The following ANGPTL2 variants were observed in gnomAD, a reference collection of about 807,000 sequenced individuals.
The protein encoded by ANGPTL2 is angiopoietin like 2.
ANGPTL2 carries 25 observed loss-of-function variants against 52.8 expected under a neutral mutation model. The ratio of observed to expected loss-of-function variants is 0.47; its 90% CI spans 0.35 to 0.66. The LOEUF (loss-of-function observed/expected upper bound fraction) is 0.66, where lower values mean the gene tolerates loss of function less well. Ranked by LOEUF, ANGPTL2 falls within the 30% of genes least tolerant of loss-of-function variation. The pLI is 0.01. For synonymous variants in ANGPTL2, 276 were observed against 277.4 expected (o/e 1.00, Z 0.05); for missense variants, 546 against 656.9 (o/e 0.83, Z 1.84).
At chr9:127,113,214 C>G (rs2055030555) in intron 1 of ANGPTL2, among the ~76,000 whole-genome samples, 1 of 152,160 alleles carries the variant, frequency 6.6e-6, no homozygotes, top group Non-Finnish European at 1.5e-5. Context: ...GACATTGCAA[C>G]CCAAACAGGC....
chr9:127,119,713 G>A (rs2055843982), intron 1 of ANGPTL2, among the ~76,000 whole-genome samples: 1 of 152,230 alleles, frequency 6.6e-6, no homozygotes, highest in African/African-American at 2.4e-5. Flanking sequence ...CTGCCCGTGA[G>A]CTTCAGCAAT....
intron 1 of ANGPTL2, among the ~76,000 whole-genome samples, chr9:127,114,435 A>G (rs1053533717): frequency 1.3e-5 from 2 of 152,236 alleles, no homozygotes; most frequent in African/African-American, 2.4e-5. Flanking sequence ...AAGAGAAACC[A>G]AAGTGCCAAA....
chr9:127,094,148 C>G (rs2136512339), intron 2 of ANGPTL2, among the ~76,000 whole-genome samples: 1 of 152,250 alleles, frequency 6.6e-6, no homozygotes, highest in African/African-American at 2.4e-5. Flanking sequence ...CTCACTTTCT[C>G]CTCTCACCCG....
At position 127,091,562 on chromosome 9, in the gene ANGPTL2, C is replaced by T; in HGVS notation, c.1282+108G>A. 1.4e-6 allele frequency: 2 copies of T among 1,458,950 alleles called. No homozygotes were observed. Among genetic ancestry groups the T allele is most frequent in the East Asian group, 4.6e-5 (2 of 43,840 alleles). The allele number at this position is 1,458,950 out of a possible 1,614,324, so 90.4% of individuals were successfully genotyped here. Reference sequence around the variant, plus strand: ...AGGGTCAGGCAGCTTGGCCCAGCTGCTTCTCACCCTGGGATCTTCCCGTTT... The same window carrying T: ...AGGGTCAGGCAGCTTGGCCCAGCTGTTTCTCACCCTGGGATCTTCCCGTTT... On this transcript the variant is annotated intron_variant, in intron 4 of 4. Coordinates refer to ENST00000373425, the MANE Select transcript of ANGPTL2 (RefSeq NM_012098.3). This position sits in a 1 kb window ranked among gnomAD's most constrained non-coding sequence, Gnocchi z 4.3.
intron 1 of ANGPTL2, among the ~76,000 whole-genome samples, chr9:127,114,981 G>A (rs529638029): frequency 6.6e-6 from 1 of 152,314 alleles, no homozygotes; most frequent in African/African-American, 2.4e-5. Flanking sequence ...CAAACCAGTT[G>A]GTAATCCAAG....
At chr9:127,102,867 C>A (rs537432551) in intron 2 of ANGPTL2, among the ~76,000 whole-genome samples, 16 of 152,316 alleles carry the variant, frequency 1.1e-4, no homozygotes, top group Admixed American at 8.5e-4. Context: ...TTAACAAAAC[C>A]TTTTAGAATA....
intron 2 of ANGPTL2, among the ~76,000 whole-genome samples, chr9:127,096,465 G>A (rs1481290225): frequency 6.6e-6 from 1 of 152,188 alleles, no homozygotes; most frequent in Non-Finnish European, 1.5e-5. Context: ...CAGGACTGCT[G>A]CAGAATTGTC....
chr9:127,120,267 A>C (rs1378915375), intron 1 of ANGPTL2, among the ~76,000 whole-genome samples: 1 of 152,218 alleles, frequency 6.6e-6, no homozygotes, highest in Admixed American at 6.5e-5. Flanking sequence ...GGCAGTGCCC[A>C]TGTGGGAAGC....
intron 1 of ANGPTL2, among the ~76,000 whole-genome samples, chr9:127,118,015 CA>C (rs1455335162): frequency 6.6e-6 from 1 of 152,184 alleles, no homozygotes; most frequent in Non-Finnish European, 1.5e-5. Flanking sequence ...TGGACTGACA[CA>C]ATAGTTCAGT....
chr9:127,110,334 C>T (rs1171767807), intron 1 of ANGPTL2, among the ~76,000 whole-genome samples: 1 of 152,210 alleles, frequency 6.6e-6, no homozygotes, highest in Non-Finnish European at 1.5e-5. Flanking sequence ...ACCTTCCTTT[C>T]CAGAGCGCCA....
chr9:127,094,144 T>G (rs2052834223), intron 2 of ANGPTL2, among the ~76,000 whole-genome samples: 1 of 152,106 alleles, frequency 6.6e-6, no homozygotes, highest in African/African-American at 2.4e-5. Context: ...CAAGCTCACT[T>G]TCTCCTCTCA....
chr9:127,100,685 C>G (rs536947435), intron 2 of ANGPTL2, among the ~76,000 whole-genome samples: 1 of 152,244 alleles, frequency 6.6e-6, no homozygotes, highest in East Asian at 1.9e-4. Context: ...ATGGCTCTGT[C>G]AGAGACTGTG....
At chr9:127,105,308 G>T (rs184229659) in intron 2 of ANGPTL2, among the ~76,000 whole-genome samples, 16 of 152,314 alleles carry the variant, frequency 1.1e-4, no homozygotes, top group Non-Finnish European at 2.2e-4. Context: ...TCTTAAGTGG[G>T]AGACAAAAGA....
intron 2 of ANGPTL2, among the ~76,000 whole-genome samples, chr9:127,094,137 GC>G (rs2052832519): frequency 6.6e-6 from 1 of 152,064 alleles, no homozygotes; most frequent in African/African-American, 2.4e-5. Flanking sequence ...CATACTCCAA[GC>G]TCACTTTCTC....
intron 4 of ANGPTL2, among the ~76,000 whole-genome samples, chr9:127,090,916 CT>C (rs1176070032): frequency 1.3e-5 from 2 of 152,192 alleles, no homozygotes; most frequent in Admixed American, 6.5e-5. Context: ...TCTGTTTCTT[CT>C]GATTTTCTGT....
intron 3 of ANGPTL2, among the ~76,000 whole-genome samples, chr9:127,092,321 T>C (rs2052586142): frequency 6.6e-6 from 1 of 152,170 alleles, no homozygotes; most frequent in Non-Finnish European, 1.5e-5. Flanking sequence ...TTCACCTCCT[T>C]CTCTGGAGAT....
At chr9:127,111,115 C>T (rs2054768410) in intron 1 of ANGPTL2, among the ~76,000 whole-genome samples, 1 of 152,204 alleles carries the variant, frequency 6.6e-6, no homozygotes, top group Admixed American at 6.5e-5. Context: ...TCATCTCCTC[C>T]AACCACCTGG....
chr9:127,113,053 A>G (rs542758512), intron 1 of ANGPTL2, among the ~76,000 whole-genome samples: 4 of 152,224 alleles, frequency 2.6e-5, no homozygotes, highest in Non-Finnish European at 4.4e-5. Context: ...CTACTGTTAC[A>G]CCTCTGTGGG....
chr9:127,093,048 T>C (rs1035442692), intron 3 of ANGPTL2, among the ~76,000 whole-genome samples: 1 of 151,958 alleles, frequency 6.6e-6, no homozygotes, highest in East Asian at 1.9e-4. Flanking sequence ...CCTCAGGAGG[T>C]TGATACGAGA....
Sources: gnomAD v4.1 joint callset for allele counts (sites outside exome capture counted in the v4.1 genomes callset) on GRCh38, gnomAD v4.1.1 for gene constraint, Gnocchi (gnomAD v3.1) non-coding constraint, MANE v1.5 for transcripts, NCBI Gene and HGNC (gene_info 2026-07-23, HGNC 2026-07-21) for gene names.